Variants in EEF1E1 observed in about 807,000 individuals in gnomAD.
EEF1E1 encodes eukaryotic translation elongation factor 1 epsilon-1.
Under a neutral mutation model 19.9 loss-of-function variants are expected in EEF1E1, and 19 were observed. That is an observed-to-expected ratio of 0.95 (90% confidence interval 0.66 to 1.40). The LOEUF (loss-of-function observed/expected upper bound fraction) is 1.40. Among genes scored for constraint, EEF1E1 ranks in the 40% most tolerant of loss-of-function variants. The probability of loss-of-function intolerance (pLI) is 0.00; values close to 1 mark genes in which losing one functional copy is unlikely to be tolerated. For synonymous variants in EEF1E1, 81 were observed against 80.0 expected, an observed-to-expected ratio of 1.01 and a Z score of -0.07; for missense variants, 198 against 202.2, an observed-to-expected ratio of 0.98 and a Z score of 0.13.
chr6:8,102,317 A>C (rs1036072383), intron 1 of EEF1E1, 118 bp downstream of exon 1: 27 of 1,080,454 alleles, frequency 2.5e-5, no homozygotes, highest in Non-Finnish European at 3.5e-5. Flanking sequence ...ACACGTGGGG[A>C]GCTGGGTAGC....
chr6:8,099,741 C>T (rs1758273570), intron 1 of EEF1E1, among the ~76,000 whole-genome samples: 1 of 134,676 alleles, frequency 7.4e-6, no homozygotes, highest in Admixed American at 8.1e-5. Context: ...GAGTGAAGCT[C>T]CGCCTCAAAA....
At chr6:8,074,184 T>G (rs151103159) in intron 3 of EEF1E1, among the ~76,000 whole-genome samples, 2 of 152,046 alleles carry the variant, frequency 1.3e-5, no homozygotes, top group Non-Finnish European at 2.9e-5. Flanking sequence ...CAGCATGGAG[T>G]AGCAAAAACA....
chr6:8,089,950 A>G, intron 3 of EEF1E1: 1 of 392,700 alleles, frequency 2.5e-6, no homozygotes, highest in Non-Finnish European at 4.5e-6. Flanking sequence ...TGAAAATGCA[A>G]ATCTGATTTA....
intron 2 of EEF1E1, among the ~76,000 whole-genome samples, chr6:8,093,120 C>T (rs1477905252): frequency 6.6e-6 from 1 of 151,988 alleles, no homozygotes; most frequent in African/African-American, 2.4e-5. Context: ...GATCAGCCTG[C>T]CTCGGCCTCC....
intron 1 of EEF1E1, among the ~76,000 whole-genome samples, chr6:8,101,225 C>CAAAAAAAAAAAAA (rs778878465): frequency 3.2e-4 from 1 of 3,116 alleles, no homozygotes; most frequent in African/African-American, 1.8e-3. Context: ...GACTTTGTCT[C>CAAAAAAAAAAAAA]AAAAAAAAAA....
Position 8,080,018 on chromosome 6 carries a change from C to T in EEF1E1, c.397G>A (p.Val133Ile), listed in dbSNP as rs767990459. Residue 133 changes from valine (V) to isoleucine (I), a missense_variant, in exon 4 of 4, where the codon GTT becomes ATT. Transcript: ENST00000379715. ...TTAAGATATTTCTCCTTTTCTTGAACTGTCAGGTCAACCTAAGTAGAGATT... is the reference window on the plus strand; with the variant it reads ...TTAAGATATTTCTCCTTTTCTTGAATTGTCAGGTCAACCTAAGTAGAGATT... ...GLHRFIVDLTVQEKEKYLNVS... is the reference protein window; with the variant it reads ...GLHRFIVDLTIQEKEKYLNVS... 21 of 1,613,292 alleles carry T rather than the reference C, an allele frequency of 1.3e-5. No homozygotes were observed. Among genetic ancestry groups the T allele is most frequent in the Non-Finnish European group, 1.8e-5 (21 of 1,179,830 alleles).
intron 3 of EEF1E1, among the ~76,000 whole-genome samples, chr6:8,083,066 T>C (rs946230155): frequency 2.6e-5 from 4 of 152,228 alleles, no homozygotes; most frequent in Admixed American, 6.5e-5. Flanking sequence ...AGTGTGTCTA[T>C]AGTGGTGCTT....
chr6:8,076,941 G>GTT (rs1408664471), downstream of EEF1E1, among the ~76,000 whole-genome samples: 6 of 130,006 alleles, frequency 4.6e-5, no homozygotes, highest in African/African-American at 8.3e-5. Flanking sequence ...TTTTGTTTTT[G>GTT]TTTTTGTTTT....
chr6:8,077,679 G>A (rs117967540), downstream of EEF1E1, among the ~76,000 whole-genome samples: 1 of 152,198 alleles, frequency 6.6e-6, no homozygotes, highest in Non-Finnish European at 1.5e-5. Context: ...CCTGGATTAA[G>A]AGAATGTTGT....
chr6:8,079,021 T>C (rs1025064327), downstream of EEF1E1, among the ~76,000 whole-genome samples: 3 of 152,204 alleles, frequency 2.0e-5, no homozygotes, highest in Non-Finnish European at 2.9e-5. Context: ...TTTAGCTCTA[T>C]GATAACTATT....
chr6:8,099,780 ACACACACACAC>A (rs1181535510), intron 1 of EEF1E1, among the ~76,000 whole-genome samples: 122 of 124,972 alleles, frequency 9.8e-4, no homozygotes, highest in South Asian at 2.3e-3. Context: ...ACACACACAC[ACACACACACAC>A]AAAAAAAAAA....
chr6:8,100,146 C>A (rs1243974851), intron 1 of EEF1E1, among the ~76,000 whole-genome samples: 1 of 152,154 alleles, frequency 6.6e-6, no homozygotes, highest in African/African-American at 2.4e-5. Flanking sequence ...AAATTAAAAA[C>A]CACACTCTGA....
intron 2 of EEF1E1, among the ~76,000 whole-genome samples, chr6:8,095,867 TACA>T (rs1321069463): frequency 2.6e-5 from 4 of 152,212 alleles, no homozygotes; most frequent in Non-Finnish European, 5.9e-5. Flanking sequence ...CCACTCTATG[TACA>T]ATCGGTCTCA....
chr6:8,078,870 T>C (rs1757660002), downstream of EEF1E1: 5 of 1,079,630 alleles, frequency 4.6e-6, no homozygotes, highest in East Asian at 7.7e-5. Context: ...GAAAATATGA[T>C]TGACTGCTTT....
In EEF1E1 at chr6:8,097,287, C is replaced by T. The variant is rs754954294; in HGVS notation, c.268G>A (p.Asp90Asn). 3.1e-6 allele frequency: 5 copies of T among 1,614,190 alleles called. No individual in the cohort carries two copies. Among genetic ancestry groups the T allele is most frequent in the East Asian group, 2.2e-5 (1 of 44,874 alleles). ...GATACCTTCAACAGTGTGTGGATGT[C>T]ATTTTTACTGGAGTGCCCATCTACT... ...TQVDGHSSKN[D>N]IHTLLKDLNS... The change falls in exon 2 of 4, where the codon GAC becomes AAC. Residue 90 changes from aspartate (D) to asparagine (N), a missense_variant. Transcript: ENST00000379715.
intron 2 of EEF1E1, among the ~76,000 whole-genome samples, chr6:8,093,863 C>T (rs534847097): frequency 2.6e-4 from 40 of 151,662 alleles, no homozygotes; most frequent in Non-Finnish European, 5.9e-4. Flanking sequence ...AGTGGAGTGA[C>T]CCTGGCTCAC....
rs761222626 is a variant in EEF1E1, at chr6:8,090,265, A to T, written c.305T>A (p.Leu102His). 6.7e-7 allele frequency: 1 copy of T among 1,487,768 alleles called. No homozygotes were observed. The highest frequency in any genetic ancestry group is 8.9e-7 in the Non-Finnish European group (1 of 1,127,046). 92.2% of individuals were successfully genotyped at this position (1,487,768 alleles called of 1,614,324 possible). Reference sequence around the variant, plus strand: ...CCCTGTAAGGTAGACTTTATCTTCAAGATATGAATTAAGATCCTAGAAAAA... The same window carrying T: ...CCCTGTAAGGTAGACTTTATCTTCATGATATGAATTAAGATCCTAGAAAAA... ...HTLLKDLNSY[L>H]EDKVYLTGYN... The change falls in exon 3 of 4, where the codon CTT (leucine) becomes CAT (histidine). Residue 102 changes from leucine (L) to histidine (H), a missense_variant. Transcript: ENST00000379715.
downstream of EEF1E1, among the ~76,000 whole-genome samples, chr6:8,076,469 G>A (rs1170554588): frequency 6.6e-6 from 1 of 151,814 alleles, no homozygotes; most frequent in Non-Finnish European, 1.5e-5. Context: ...GACTACAGGC[G>A]CCCACCACCA....
chr6:8,099,592 C>A (rs941080588), intron 1 of EEF1E1, among the ~76,000 whole-genome samples: 1 of 151,964 alleles, frequency 6.6e-6, no homozygotes, highest in Non-Finnish European at 1.5e-5. Context: ...ACTAAAAATA[C>A]AAAAATTAGC....
Sources: gnomAD v4.1 joint callset for allele counts (sites outside exome capture counted in the v4.1 genomes callset) on GRCh38, gnomAD v4.1.1 for gene constraint, MANE v1.5 for transcripts, NCBI Gene and HGNC (gene_info 2026-07-23, HGNC 2026-07-21) for gene names.